MYOM3: variants seen among roughly 807,000 people sequenced by gnomAD.
The protein encoded by MYOM3 is myomesin-3.
Under a neutral mutation model 191.7 loss-of-function variants are expected in MYOM3, and 155 were observed. That is an observed-to-expected ratio of 0.81 (90% CI 0.71 to 0.92). MYOM3 has a LOEUF of 0.92. Ranked by LOEUF, MYOM3 falls within the 40% of genes least tolerant of loss-of-function variation. The pLI is 0.00. For synonymous variants in MYOM3, 757 were observed against 762.9 expected, an observed-to-expected ratio of 0.99 and a Z score of 0.13; for missense variants, 1,889 against 1,890.6, an observed-to-expected ratio of 1.00 and a Z score of 0.02.
chr1:24,091,796 A>G (rs1030940718), intron 11 of MYOM3, among the ~76,000 whole-genome samples: 7 of 152,018 alleles, frequency 4.6e-5, no homozygotes, highest in African/African-American at 1.7e-4. Flanking sequence ...TGGCCTCTCT[A>G]CCTGTTTGCC....
chr1:24,062,647 C>T (rs1202645145), intron 32 of MYOM3, among the ~76,000 whole-genome samples: 1 of 152,180 alleles, frequency 6.6e-6, no homozygotes, highest in Non-Finnish European at 1.5e-5. Context: ...CAAGCCCTGG[C>T]TCTCAGTTAG....
chr1:24,090,807 C>T lies in MYOM3; in HGVS notation c.1422G>A (p.Arg474=). 1.2e-6 allele frequency: 2 copies of T among 1,614,142 alleles called. No homozygotes were observed. Among genetic ancestry groups the T allele is most frequent in the Non-Finnish European group, 1.7e-6 (2 of 1,180,030 alleles). Residue 474 remains arginine (R), a synonymous_variant, in exon 12 of 37, where the codon CGG becomes CGA. Coordinates refer to ENST00000374434, the MANE Select transcript of MYOM3 (RefSeq NM_152372.4). The stretch of plus-strand genomic sequence containing the variant: ...GACCTCTGTACCCACCTGTCTTCCT[C>T]CGGGCTGCATCATGGTCACCCATGA... ...LVVMGDHDAA[R]RKTEIPFDLG... is the part of the protein sequence containing the mutation.
At chr1:24,099,121 C>T (rs950452711) in intron 6 of MYOM3, among the ~76,000 whole-genome samples, 5 of 152,212 alleles carry the variant, frequency 3.3e-5, no homozygotes, top group African/African-American at 1.2e-4. Context: ...CTTATATTCC[C>T]GTGTGGCCTC....
rs1643649259 is a variant in MYOM3, at chr1:24,080,132, G to T, written c.2470C>A (p.Pro824Thr). ...GGCCCAGCCCCCATATACAGTGGGG[G>T]TTCCCACTGCAGCACCAGGGATGTG... ...RATSLVLQWEPPLYMGAGPVT... is the reference protein window; with the variant it reads ...RATSLVLQWETPLYMGAGPVT... The change falls in exon 20 of 37, where the codon CCC becomes ACC. Residue 824 changes from proline to threonine, a missense_variant. Physicochemically the swap from Pro to Thr is conservative, Grantham distance 38. Transcript: ENST00000374434. The T allele has an allele frequency of 1.2e-6, 2 of 1,613,714 alleles. No homozygotes were observed. Among genetic ancestry groups the T allele is most frequent in the Non-Finnish European group, 1.7e-6 (2 of 1,179,658 alleles).
chr1:24,062,726 G>A (rs774713381), intron 32 of MYOM3, among the ~76,000 whole-genome samples: 7 of 152,156 alleles, frequency 4.6e-5, no homozygotes, highest in Non-Finnish European at 1.0e-4. Flanking sequence ...TGCTAAGTCT[G>A]CAGAGGCCCA....
intron 5 of MYOM3, among the ~76,000 whole-genome samples, chr1:24,100,403 A>G (rs1171505607): frequency 2.0e-5 from 3 of 152,160 alleles, no homozygotes; most frequent in Admixed American, 2.0e-4. Context: ...GCCTGTAATT[A>G]AGGGCAGCTG....
chr1:24,087,596 T>C lies in MYOM3; in HGVS notation c.1615-769A>G, dbSNP rs1643765424. Among the ~76,000 whole-genome samples, 1 of 152,084 alleles carries C rather than the reference T, an allele frequency of 6.6e-6. No homozygotes were observed. Among genetic ancestry groups the C allele is most frequent in the Non-Finnish European group, 1.5e-5 (1 of 68,006 alleles). ...GCCTGGAATGTTCTTCTCCGAGAAA[T>C]CTCTTGGCTTCCTGTAGGCCTTTAA... On this transcript the variant is annotated intron_variant, in intron 14 of 36. Coordinates refer to ENST00000374434, the MANE Select transcript of MYOM3 (RefSeq NM_152372.4). The surrounding 1 kb of genome is among the most constrained non-coding windows in gnomAD (Gnocchi z 4.5).
rs1035636371 is a variant in MYOM3, at chr1:24,056,471, G to A, written c.*893C>T. The A allele has an allele frequency of 2.0e-5, 3 of 152,074 alleles. No individual in the cohort carries two copies. The highest frequency in any genetic ancestry group is 6.6e-5 in the Admixed American group (1 of 15,260). 9.4% of individuals were successfully genotyped at this position (152,074 alleles called of 1,614,324 possible). The stretch of plus-strand genomic sequence containing the variant: ...ACAACCTCCGCCTCCCAGGTTCAAC[G>A]GATTCTCCCACCTCGGCCTTCTGAA... On this transcript the variant is annotated 3_prime_UTR_variant, in exon 37 of 37. Transcript: ENST00000374434.
intron 23 of MYOM3, among the ~76,000 whole-genome samples, chr1:24,072,341 C>T (rs934147005): frequency 1.3e-5 from 2 of 152,184 alleles, no homozygotes; most frequent in African/African-American, 4.8e-5. Context: ...TAGTCCTCTG[C>T]AGTGCTGTGG....
chr1:24,075,161 C>T (rs1643580729), intron 22 of MYOM3, among the ~76,000 whole-genome samples, 158 bp downstream of exon 22: 1 of 152,222 alleles, frequency 6.6e-6, no homozygotes, highest in Non-Finnish European at 1.5e-5. Context: ...ACTCTTCTCA[C>T]TAAGGTGGCA....
At position 24,090,073 on chromosome 1, in the gene MYOM3, G is replaced by A. The variant is rs772687884; in HGVS notation, c.1478C>T (p.Ala493Val). 10 of 1,613,988 alleles carry A rather than the reference G, an allele frequency of 6.2e-6. No homozygotes were observed. The highest frequency in any genetic ancestry group is 2.2e-5 in the East Asian group (1 of 44,904). The change falls in exon 13 of 37, where the codon GCT becomes GTT. Residue 493 changes from alanine to valine, a missense_variant. Transcript: ENST00000374434. ...GGGAGGATCCCGCGTACCTTCAAAA[G>A]CGTCTGTGCTGATGGTGATCTTGTT... The part of the protein sequence containing the change: ...LGNKITISTD[A>V]FEDTVTIPSP...
In MYOM3 at chr1:24,063,354, G is replaced by A. The variant is rs945942094; in HGVS notation, c.3662-120C>T. The A allele has an allele frequency of 7.3e-7, 1 of 1,375,870 alleles. No homozygotes were observed. Among genetic ancestry groups the A allele is most frequent in the Non-Finnish European group, 1.0e-6 (1 of 967,034 alleles). The allele number at this position is 1,375,870 out of a possible 1,614,324, so 85.2% of individuals were successfully genotyped here. ...TGCTGTGGGGGAAATGCAGTGCTGT[G>A]AAGAGGCGGGATTTTCTCTTCGGTG... On this transcript the variant is annotated intron_variant, in intron 31 of 36. Transcript: ENST00000374434. This position sits in a 1 kb window ranked among gnomAD's most constrained non-coding sequence, Gnocchi z 4.5.
chr1:24,082,374 T>C, intron 17 of MYOM3, 186 bp from the exon 18 acceptor site: 1 of 860,332 alleles, frequency 1.2e-6, no homozygotes, highest in African/African-American at 1.7e-5. Flanking sequence ...GTCTGAGGGC[T>C]TCCCCACCCC....
In MYOM3 at chr1:24,080,193, G is replaced by T. The variant is rs778979980; in HGVS notation, c.2409C>A (p.Gly803=). ...CGGATGCCCGTACATCGTACGGGGG[G>T]CCTGTGACAAGTGAGAGATGGGAAG... is the stretch of plus-strand genomic sequence containing the variant. The part of the protein sequence containing the change: ...ECKEWTMPQP[G]PPYDVRASEV... Residue 803 remains glycine (G), a splice_region_variant and synonymous_variant, in exon 20 of 37, where the codon GGC becomes GGA. Coordinates refer to ENST00000374434, the MANE Select transcript of MYOM3 (RefSeq NM_152372.4). The T allele has an allele frequency of 6.2e-7, 1 of 1,607,074 alleles. No homozygotes were observed. The highest frequency in any genetic ancestry group is 8.5e-7 in the Non-Finnish European group (1 of 1,176,502).
At chr1:24,061,117 C>T (rs1570849509) in intron 34 of MYOM3, 35 bp from the exon 35 acceptor site, 4 of 1,614,066 alleles carry the variant, frequency 2.5e-6, no homozygotes, top group Non-Finnish European at 3.4e-6. Flanking sequence ...GTGTGACATT[C>T]CACTTGCTAA....
In MYOM3 at chr1:24,106,050, C is replaced by G; in HGVS notation, c.430G>C (p.Glu144Gln). 6.2e-7 allele frequency: 1 copy of G among 1,613,222 alleles called. No individual in the cohort carries two copies. The highest frequency in any genetic ancestry group is 8.5e-7 in the Non-Finnish European group (1 of 1,179,844). ...CGGCCGTAGCACAGCTCCCTCAGCT[C>G]CTTGGCCTCCTGGACCTTCTCCTCT... is the stretch of plus-strand genomic sequence containing the variant. ...RTEEKVQEAK[E>Q]LRELCYGRGP... is the part of the protein sequence containing the mutation. Residue 144 changes from glutamate to glutamine, a missense_variant, in exon 5 of 37, where the codon GAG becomes CAG. Transcript: ENST00000374434.
intron 1 of MYOM3, among the ~76,000 whole-genome samples, chr1:24,109,706 C>T (rs1340192120): frequency 6.6e-6 from 1 of 152,236 alleles, no homozygotes; most frequent in East Asian, 1.9e-4. Context: ...ATTATTATCC[C>T]ATTTTACTGA....
rs201898557 is a variant in MYOM3, at chr1:24,090,915, G to A, written c.1314C>T (p.Val438=). The change falls in exon 12 of 37, where the codon GTC becomes GTT. Residue 438 remains valine (V), a synonymous_variant. Coordinates refer to ENST00000374434, the MANE Select transcript of MYOM3 (RefSeq NM_152372.4). ...GTCRCPIQGL[V]EGQSYRFRVR... is the part of the protein sequence containing the mutation. ...CCCGGAACCGATAGCTCTGACCTTCGACGAGGCCTTGGATTGGGCACCGAC... is the reference window on the plus strand; with the variant it reads ...CCCGGAACCGATAGCTCTGACCTTCAACGAGGCCTTGGATTGGGCACCGAC... The A allele has an allele frequency of 2.7e-4, 437 of 1,613,986 alleles. 1 individual carries two copies. The African/African-American group carries it at 3.0e-3, about 11-fold the overall frequency.
chr1:24,100,183 T>A (rs1643901765), intron 5 of MYOM3, among the ~76,000 whole-genome samples: 1 of 152,188 alleles, frequency 6.6e-6, no homozygotes, highest in Non-Finnish European at 1.5e-5. Context: ...GTTGCAGTTT[T>A]GTGTTGCTTA....
Sources: allele counts gnomAD v4.1 joint callset (sites outside exome capture counted in the v4.1 genomes callset), GRCh38; gene constraint gnomAD v4.1.1; non-coding constraint Gnocchi (gnomAD v3.1); transcripts MANE v1.5; gene names NCBI Gene and HGNC (gene_info 2026-07-23, HGNC 2026-07-21).